Variants in LTN1 observed in about 807,000 individuals in gnomAD.
LTN1 encodes E3 ubiquitin-protein ligase listerin.
In LTN1, 88 loss-of-function variants were observed where a neutral mutation model predicts 201.2. The ratio of observed to expected loss-of-function variants is 0.44; its 90% confidence interval spans 0.37 to 0.52. The LOEUF (loss-of-function observed/expected upper bound fraction) is 0.52. LTN1 is among the 20% of genes least tolerant of loss of function. LTN1 has a pLI of 0.00. For missense variants in LTN1, 1,752 were observed against 2,038.7 expected, an observed-to-expected ratio of 0.86 and a Z score of 2.71; for synonymous variants, 645 against 713.5, an observed-to-expected ratio of 0.90 and a Z score of 1.53.
At chr21:28,953,494 A>G in intron 16 of LTN1, 118 bp from the exon 17 acceptor site, 1 of 636,070 alleles carries the variant, frequency 1.6e-6, no homozygotes, top group Non-Finnish European at 2.6e-6. Context: ...CAAAACTCCT[A>G]TGAACTGATT....
At chr21:28,987,970 C>T (rs967878583) in intron 1 of LTN1, among the ~76,000 whole-genome samples, 4 of 151,928 alleles carry the variant, frequency 2.6e-5, no homozygotes, top group African/African-American at 9.7e-5. Flanking sequence ...GGTGAAACCC[C>T]ATCTCTACCA....
At chr21:28,945,232 A>AAAAG (rs574074190) in intron 21 of LTN1, among the ~76,000 whole-genome samples, 25 of 150,754 alleles carry the variant, frequency 1.7e-4, no homozygotes, top group South Asian at 4.1e-4. Flanking sequence ...AATTTAAAAA[A>AAAAG]AAAGAAAGAA....
rs774949931 is a variant in LTN1 at position 28,986,391 on chromosome 21, G to C, written c.247-154C>G. On this transcript the variant is annotated intron_variant, in intron 2 of 29. Coordinates refer to ENST00000361371, the MANE Select transcript of LTN1 (RefSeq NM_015565.3). This position sits in a 1 kb window ranked among gnomAD's most constrained non-coding sequence, Gnocchi z 4.1. ...ACTAGTTTGAAGAGCTCTTTCACAG[G>C]CTACTACGGTAGAAACTCTTCAGTT... The C allele has an allele frequency of 1.5e-6, 1 of 686,012 alleles. No individual in the cohort carries two copies. The highest frequency in any genetic ancestry group is 2.6e-6 in the Non-Finnish European group (1 of 383,030). The allele number at this position is 686,012 out of a possible 1,614,324, so 42.5% of individuals were successfully genotyped here.
chr21:28,979,944 C>G (rs1226001280), intron 6 of LTN1, among the ~76,000 whole-genome samples: 4 of 152,152 alleles, frequency 2.6e-5, no homozygotes, highest in Admixed American at 2.6e-4. Flanking sequence ...TGCACTCCAA[C>G]CTGGGTGACA....
intron 11 of LTN1, chr21:28,961,648 A>AT (rs1380904430): frequency 6.5e-6 from 1 of 152,988 alleles, no homozygotes; most frequent in African/African-American, 2.4e-5. Context: ...CTTTATCACT[A>AT]ACTAGCCTAT....
chr21:28,992,262 G>C (rs2084752548), intron 1 of LTN1, among the ~76,000 whole-genome samples: 1 of 152,142 alleles, frequency 6.6e-6, no homozygotes, highest in Non-Finnish European at 1.5e-5. Context: ...AGAGGAGGGA[G>C]CTGAAGATGG....
intron 1 of LTN1, among the ~76,000 whole-genome samples, chr21:28,988,026 C>T (rs532750272): frequency 6.6e-6 from 1 of 152,058 alleles, no homozygotes; most frequent in Non-Finnish European, 1.5e-5. Flanking sequence ...GCCTGTAATC[C>T]CAGCTACTCG....
Position 28,991,138 on chromosome 21 carries a change from GA to G in LTN1, c.42+1625del, listed in dbSNP as rs772830387. ...GGTAACAGAGCCAGACTCTGTCCCCGAAAAAAAAAAAAAAAAGATTAGCCAG... is the reference window on the plus strand; with the variant it reads ...GGTAACAGAGCCAGACTCTGTCCCCGAAAAAAAAAAAAAAAGATTAGCCAG... On this transcript the variant is annotated intron_variant, in intron 1 of 29. Transcript: ENST00000361371. 2.7e-3 allele frequency among the ~76,000 whole-genome samples: 318 copies of G among 119,408 alleles called. 1 individual carries two copies. Among genetic ancestry groups the G allele is most frequent in the South Asian group, 2.4e-3 (9 of 3,828 alleles). 78.3% of individuals were successfully genotyped at this position (119,408 alleles called of 152,430 possible). A position where few individuals can be genotyped will look rare whatever the true frequency, so the allele number is the denominator to read the frequency against.
At chr21:28,956,152 G>A (rs2776242) in intron 16 of LTN1, among the ~76,000 whole-genome samples, 46,786 of 151,760 alleles carry the variant, frequency 0.31, 8,315 homozygotes, top group East Asian at 0.64. Context: ...AAGAGAGGTC[G>A]GTGAATGGGT....
At chr21:28,952,357 T>C (rs2084389890) in intron 17 of LTN1, 93 bp from the exon 18 acceptor site, 1 of 694,708 alleles carries the variant, frequency 1.4e-6, no homozygotes, top group Non-Finnish European at 2.4e-6. Context: ...TTTACAGAAT[T>C]AAATAAAGCA....
intron 4 of LTN1, among the ~76,000 whole-genome samples, chr21:28,984,341 A>G (rs200330436): frequency 6.8e-6 from 1 of 146,202 alleles, no homozygotes; most frequent in Non-Finnish European, 1.5e-5. Flanking sequence ...TTAGATCTGT[A>G]TATATATATA....
At position 28,992,816 on chromosome 21, in the gene LTN1, G is replaced by A; in HGVS notation, c.-11C>T. On this transcript the variant is annotated 5_prime_UTR_variant, in exon 1 of 30. Transcript: ENST00000361371. ...GTTCTTCCCGCCCATGGTCGCGGTT[G>A]CAGCTGTACTCTGAGCACTCAGACC... 2 of 1,614,236 alleles carry A rather than the reference G, an allele frequency of 1.2e-6. No individual in the cohort carries two copies. Among genetic ancestry groups the A allele is most frequent in the East Asian group, 2.2e-5 (1 of 44,892 alleles).
At chr21:28,935,839 CAA>C (rs1190416524) in intron 26 of LTN1, among the ~76,000 whole-genome samples, 8 of 78,908 alleles carry the variant, frequency 1.0e-4, no homozygotes, top group Admixed American at 2.7e-4. Flanking sequence ...GACTCCGTCT[CAA>C]AAAAAAAAAA....
chr21:28,969,238 T>A (rs978590014), intron 9 of LTN1, among the ~76,000 whole-genome samples: 2 of 151,930 alleles, frequency 1.3e-5, no homozygotes, highest in East Asian at 1.9e-4. Context: ...AAAAAGGGAT[T>A]TTTGCATCCA....
rs544468891 is a variant in LTN1, at chr21:28,969,325, T to C, written c.1311+141A>G. On this transcript the variant is annotated intron_variant, in intron 9 of 29. Transcript: ENST00000361371. ...GAATTTTTACTTATCTGGTCAGAAA[T>C]ACACATCACTCAATTGGTAAATTAT... is the stretch of plus-strand genomic sequence containing the variant. The C allele has an allele frequency of 1.8e-5, 11 of 627,114 alleles. No homozygotes were observed. The East Asian group carries it at 2.7e-4, about 15-fold the overall frequency. The allele number at this position is 627,114 out of a possible 1,614,324, so 38.8% of individuals were successfully genotyped here.
At chr21:28,947,910 T>C (rs1433346928) in intron 18 of LTN1, among the ~76,000 whole-genome samples, 1 of 150,360 alleles carries the variant, frequency 6.7e-6, no homozygotes, top group East Asian at 1.9e-4. Context: ...AAAGAGTCAA[T>C]TGCGGGGTGC....
At chr21:28,982,520 G>A in intron 4 of LTN1, 152 bp from the exon 5 acceptor site, 1 of 619,584 alleles carries the variant, frequency 1.6e-6, no homozygotes, top group Non-Finnish European at 2.9e-6. Context: ...TGAAAGGTTT[G>A]AATTTTACCA....
At chr21:28,951,779 C>A (rs1465540038) in intron 18 of LTN1, among the ~76,000 whole-genome samples, 1 of 152,128 alleles carries the variant, frequency 6.6e-6, no homozygotes, top group Non-Finnish European at 1.5e-5. Context: ...CAAGACCAGC[C>A]TGGGCAACCT....
chr21:28,957,094 A>G (rs1057269649), intron 15 of LTN1, 146 bp from the exon 16 acceptor site: 4 of 675,152 alleles, frequency 5.9e-6, no homozygotes, highest in Non-Finnish European at 9.6e-6. Context: ...CAACATGTGT[A>G]TTTCTTTAAG....
Sources: gnomAD v4.1 joint callset for allele counts (sites outside exome capture counted in the v4.1 genomes callset) on GRCh38, gnomAD v4.1.1 for gene constraint, Gnocchi (gnomAD v3.1) non-coding constraint, MANE v1.5 for transcripts, NCBI Gene and HGNC (gene_info 2026-07-23, HGNC 2026-07-21) for gene names.